The following EEPD1 variants were observed in gnomAD, a reference collection of about 807,000 sequenced individuals.
The protein encoded by EEPD1 is endonuclease/exonuclease/phosphatase family domain-containing protein 1.
EEPD1 carries 17 observed loss-of-function variants against 46.3 expected under a neutral mutation model. That is an observed-to-expected ratio of 0.37 (90% CI 0.25 to 0.55). EEPD1 has a LOEUF of 0.55. Ranked by LOEUF, EEPD1 falls within the 20% of genes least tolerant of loss-of-function variation. EEPD1 has a pLI of 0.83. For missense variants in EEPD1, 673 were observed against 745.6 expected (o/e 0.90, Z 1.13); for synonymous variants, 313 against 315.6 (o/e 0.99, Z 0.09).
intron 2 of EEPD1, among the ~76,000 whole-genome samples, chr7:36,188,884 G>A (rs1341366791): frequency 2.0e-5 from 3 of 152,180 alleles, no homozygotes; most frequent in Admixed American, 6.5e-5. Context: ...CATTATGGAA[G>A]TGTTTAAGTA....
chr7:36,255,693 A>G (rs532510792), intron 3 of EEPD1, among the ~76,000 whole-genome samples: 63 of 151,960 alleles, frequency 4.1e-4, no homozygotes, highest in African/African-American at 1.4e-3. Flanking sequence ...ATCATTTTCT[A>G]TTGTTTCTAT....
At chr7:36,176,069 C>T (rs935051871) in intron 2 of EEPD1, among the ~76,000 whole-genome samples, 3 of 152,164 alleles carry the variant, frequency 2.0e-5, no homozygotes, top group Non-Finnish European at 2.9e-5. Flanking sequence ...AGGGAACCCT[C>T]GCCCTCCCCT....
chr7:36,164,910 G>A (rs1479303633), intron 2 of EEPD1, among the ~76,000 whole-genome samples: 1 of 152,116 alleles, frequency 6.6e-6, no homozygotes, highest in East Asian at 1.9e-4. Flanking sequence ...AGGATATAAA[G>A]AAAGAAAATG....
rs770515834 is a variant in EEPD1 at position 36,154,661 on chromosome 7, T to C, written c.337T>C (p.Ser113Pro). 5 of 1,613,618 alleles carry C rather than the reference T, an allele frequency of 3.1e-6. No homozygotes were observed. Among genetic ancestry groups the C allele is most frequent in the Non-Finnish European group, 4.2e-6 (5 of 1,179,998 alleles). ...CAGCTCAGCGCAGCACTCTCCCAGTTCCCTGCGGCGGGACCTGCTAGCGGA... is the reference window on the plus strand; with the variant it reads ...CAGCTCAGCGCAGCACTCTCCCAGTCCCCTGCGGCGGGACCTGCTAGCGGA... ...KGSSAQHSPS[S>P]LRRDLLAEQQ... Residue 113 changes from serine (S) to proline (P), a missense_variant, in exon 2 of 8, where the codon TCC (serine) becomes CCC (proline). Ser to Pro is a moderately conservative substitution (Grantham distance 74, BLOSUM62 -1). Coordinates refer to ENST00000242108, the MANE Select transcript of EEPD1 (RefSeq NM_030636.3). The surrounding 1 kb of genome is among the most constrained non-coding windows in gnomAD (Gnocchi z 4.2).
chr7:36,234,119 A>T (rs571299002), intron 2 of EEPD1, among the ~76,000 whole-genome samples: 36 of 152,152 alleles, frequency 2.4e-4, no homozygotes, highest in African/African-American at 8.2e-4. Context: ...GGGTTTCACC[A>T]TGTTGGCCAG....
chr7:36,255,549 A>T (rs541713019), intron 3 of EEPD1, among the ~76,000 whole-genome samples: 24 of 152,150 alleles, frequency 1.6e-4, no homozygotes, highest in Non-Finnish European at 3.2e-4. Flanking sequence ...TTCCTGGTTT[A>T]GTCTTGGGAG....
At chr7:36,195,429 AAAG>A (rs900623569) in intron 2 of EEPD1, among the ~76,000 whole-genome samples, 4 of 152,190 alleles carry the variant, frequency 2.6e-5, no homozygotes, top group Non-Finnish European at 5.9e-5. Context: ...TCCCTTCATA[AAAG>A]AAGTAGAGAA....
At chr7:36,231,663 G>A (rs922400887) in intron 2 of EEPD1, among the ~76,000 whole-genome samples, 1 of 152,136 alleles carries the variant, frequency 6.6e-6, no homozygotes, top group African/African-American at 2.4e-5. Flanking sequence ...CCAGACACAC[G>A]GCAGTTTCTG....
intron 2 of EEPD1, among the ~76,000 whole-genome samples, chr7:36,184,849 G>A (rs2115664250): frequency 6.6e-6 from 1 of 152,130 alleles, no homozygotes; most frequent in African/African-American, 2.4e-5. Context: ...TCCTGCCTCA[G>A]CCTCTCGAGT....
chr7:36,242,302 T>A (rs1786567616), intron 3 of EEPD1, among the ~76,000 whole-genome samples: 1 of 152,144 alleles, frequency 6.6e-6, no homozygotes, highest in Non-Finnish European at 1.5e-5. Context: ...CCCACCCTGA[T>A]TCTCTCTCCC....
At chr7:36,291,614 C>T (rs1028412880) in intron 6 of EEPD1, among the ~76,000 whole-genome samples, 5 of 152,240 alleles carry the variant, frequency 3.3e-5, no homozygotes, top group Non-Finnish European at 5.9e-5. Flanking sequence ...ATTGTCCTCA[C>T]TCCTCCTAGA....
intron 2 of EEPD1, among the ~76,000 whole-genome samples, chr7:36,237,538 C>T (rs1786476145): frequency 6.6e-6 from 1 of 152,200 alleles, no homozygotes; most frequent in Non-Finnish European, 1.5e-5. Flanking sequence ...CATTCTGTTA[C>T]CGGAAAGGGG....
chr7:36,234,513 A>T (rs1284399908), intron 2 of EEPD1, among the ~76,000 whole-genome samples: 1 of 151,884 alleles, frequency 6.6e-6, no homozygotes, highest in African/African-American at 2.4e-5. Flanking sequence ...CTCTACTAAA[A>T]ATACAAAAAT....
chr7:36,205,503 A>T (rs144035164), intron 2 of EEPD1, among the ~76,000 whole-genome samples: 599 of 152,248 alleles, frequency 3.9e-3, no homozygotes, highest in African/African-American at 0.014. Flanking sequence ...GTGGCCTGTA[A>T]AGTATTTCTG....
intron 3 of EEPD1, among the ~76,000 whole-genome samples, chr7:36,248,939 G>A (rs545089012): frequency 6.8e-4 from 101 of 149,034 alleles, no homozygotes; most frequent in Non-Finnish European, 1.1e-3. Context: ...CCAGGACCTC[G>A]CTGCCGGAAA....
At chr7:36,296,654 TG>T (rs1468637445) in intron 6 of EEPD1, among the ~76,000 whole-genome samples, 1 of 152,016 alleles carries the variant, frequency 6.6e-6, no homozygotes, top group Non-Finnish European at 1.5e-5. Flanking sequence ...CCCAGTAGTA[TG>T]TTGAGTTTTT....
rs1785514322 is a variant in EEPD1, at chr7:36,193,338, G to T, written c.878+38136G>T. Among the ~76,000 whole-genome samples the T allele has an allele frequency of 6.6e-6, 1 of 152,220 alleles. No individual in the cohort carries two copies. The highest frequency in any genetic ancestry group is 1.5e-5 in the Non-Finnish European group (1 of 68,028). ...AGTGTGCAGAAGCCTGGAGCCTGGA[G>T]AGGGGAGGAATGAAGGCGGGATGAG... On this transcript the variant is annotated intron_variant, in intron 2 of 7. Coordinates refer to ENST00000242108, the MANE Select transcript of EEPD1 (RefSeq NM_030636.3). This position sits in a 1 kb window ranked among gnomAD's most constrained non-coding sequence, Gnocchi z 4.9.
intron 3 of EEPD1, among the ~76,000 whole-genome samples, chr7:36,272,942 A>AG (rs1195711520): frequency 6.6e-6 from 1 of 152,206 alleles, no homozygotes; most frequent in Admixed American, 6.5e-5. Flanking sequence ...TGTGGCACGG[A>AG]GTGGGCATGG....
intron 6 of EEPD1, among the ~76,000 whole-genome samples, chr7:36,293,561 G>A (rs1035050589): frequency 2.0e-4 from 31 of 152,188 alleles, no homozygotes; most frequent in African/African-American, 7.2e-4. Flanking sequence ...AGAGCTCCCC[G>A]GCTCCAACTT....
Sources: allele counts gnomAD v4.1 joint callset (sites outside exome capture counted in the v4.1 genomes callset), GRCh38; gene constraint gnomAD v4.1.1; non-coding constraint Gnocchi (gnomAD v3.1); transcripts MANE v1.5; gene names NCBI Gene and HGNC (gene_info 2026-07-23, HGNC 2026-07-21).